The following ZSCAN26 variants were observed in gnomAD, a reference collection of about 807,000 sequenced individuals.
ZSCAN26 encodes the protein zinc finger and SCAN domain containing 26.
A neutral mutation model predicts 23.0 loss-of-function variants in ZSCAN26; 26 were observed. That is an observed-to-expected ratio of 1.13 (90% CI 0.83 to 1.57). ZSCAN26 has a LOEUF of 1.57. Among genes scored for constraint, ZSCAN26 ranks in the 40% most tolerant of loss-of-function variants. The pLI, the probability that ZSCAN26 is intolerant of heterozygous loss-of-function variation, is 0.00. For synonymous variants in ZSCAN26, 180 were observed against 202.5 expected, an observed-to-expected ratio of 0.89 and a Z score of 0.94; for missense variants, 528 against 568.5, an observed-to-expected ratio of 0.93 and a Z score of 0.72.
At chr6:28,275,222 C>T (rs1021982026) in intron 3 of ZSCAN26, among the ~76,000 whole-genome samples, 3 of 152,194 alleles carry the variant, frequency 2.0e-5, no homozygotes, top group African/African-American at 7.2e-5. Context: ...TCCTTTTACT[C>T]TCTCATTCTG....
rs1396752436 is a variant in ZSCAN26 at position 28,272,208 on chromosome 6, G to C, written c.289G>C (p.Glu97Gln). The change falls in exon 2 of 4, where the codon GAG becomes CAG. Residue 97 changes from glutamate (E) to glutamine (Q), a missense_variant. By Grantham distance (29) the Glu-to-Gln change is conservative. Coordinates refer to ENST00000421553, the MANE Select transcript of ZSCAN26 (RefSeq NM_001023560.4). ...GCAGATCCTGGAGCTGCTGGTGCTG[G>C]AGCAGTTTCTGATCATCCTGCCTAA... ...KEQILELLVLEQFLIILPKEL... is the reference protein window; with the variant it reads ...KEQILELLVLQQFLIILPKEL... 4 of 1,614,106 alleles carry C rather than the reference G, an allele frequency of 2.5e-6. No individual in the cohort carries two copies. Among genetic ancestry groups the C allele is most frequent in the Non-Finnish European group, 2.5e-6 (3 of 1,180,006 alleles).
intron 3 of ZSCAN26, among the ~76,000 whole-genome samples, chr6:28,275,477 A>G (rs1761893655): frequency 6.6e-6 from 1 of 152,226 alleles, no homozygotes; most frequent in Admixed American, 6.5e-5. Context: ...TAGAGAAAAC[A>G]AAGTCTGCTC....
chr6:28,269,731 A>C (rs1761605003), intron 1 of ZSCAN26, among the ~76,000 whole-genome samples: 1 of 152,212 alleles, frequency 6.6e-6, no homozygotes, highest in Non-Finnish European at 1.5e-5. Context: ...TGTTCTAGTC[A>C]GACTTTTAAC....
chr6:28,276,059 T>G (rs1364467380), intron 3 of ZSCAN26, 136 bp from the exon 4 acceptor site: 2 of 729,952 alleles, frequency 2.7e-6, no homozygotes, highest in East Asian at 5.4e-5. Flanking sequence ...GTAACTATTT[T>G]ACGCAATCAC....
chr6:28,271,772 A>C, intron 1 of ZSCAN26, 82 bp from the exon 2 acceptor site: 2 of 715,814 alleles, frequency 2.8e-6, no homozygotes, highest in Non-Finnish European at 4.5e-6. Flanking sequence ...GATAATAGGA[A>C]ATGTATAAAC....
chr6:28,269,463 G>A lies in ZSCAN26; in HGVS notation c.-67+2250G>A, dbSNP rs1034876022. On this transcript the variant is annotated intron_variant, in intron 1 of 3. Coordinates refer to ENST00000421553, the MANE Select transcript of ZSCAN26 (RefSeq NM_001023560.4). ...GGGAATTAGCATAGGTCATTATGGAGGCTGGCAAGTCTCAGTATCTTCAGA... is the reference window on the plus strand; with the variant it reads ...GGGAATTAGCATAGGTCATTATGGAAGCTGGCAAGTCTCAGTATCTTCAGA... 2.0e-5 allele frequency among the ~76,000 whole-genome samples: 3 copies of A among 152,150 alleles called. No homozygotes were observed. In the South Asian group the frequency reaches 6.2e-4, roughly 32 times the overall value.
Position 28,275,189 on chromosome 6 carries a change from C to A in ZSCAN26, c.539-1006C>A, listed in dbSNP as rs958647519. Among the ~76,000 whole-genome samples the A allele has an allele frequency of 1.5e-4, 23 of 152,254 alleles. 1 individual carries two copies. In the South Asian group the frequency reaches 4.3e-3, roughly 29 times the overall value. On this transcript the variant is annotated intron_variant, in intron 3 of 3. Transcript: ENST00000421553. Reference sequence around the variant, plus strand: ...GTTATTAGTGCTGCTTAGAGTCTTTCTTCTATTTTCTCCATCCAGCTTTCC... The same window carrying A: ...GTTATTAGTGCTGCTTAGAGTCTTTATTCTATTTTCTCCATCCAGCTTTCC...
At chr6:28,275,496 C>T (rs1761894729) in intron 3 of ZSCAN26, among the ~76,000 whole-genome samples, 1 of 152,130 alleles carries the variant, frequency 6.6e-6, no homozygotes, top group Non-Finnish European at 1.5e-5. Flanking sequence ...TCTGCATGTG[C>T]TTACAGTCTC....
At chr6:28,274,858 G>A (rs1195836922) in intron 3 of ZSCAN26, among the ~76,000 whole-genome samples, 1 of 152,066 alleles carries the variant, frequency 6.6e-6, no homozygotes, top group Non-Finnish European at 1.5e-5. Context: ...ATCCTCTCTT[G>A]CTTTTTTAAA....
intron 3 of ZSCAN26, among the ~76,000 whole-genome samples, chr6:28,274,387 ATAGCCTTGCAGAAATGAAT>A (rs1347273661): frequency 1.3e-5 from 2 of 152,222 alleles, no homozygotes; most frequent in African/African-American, 2.4e-5. Flanking sequence ...CCTTTTCTCA[ATAGCCTTGCAGAAATGAAT>A]TAGCCTTGCA....
At chr6:28,267,659 G>A (rs1447867258) in intron 1 of ZSCAN26, among the ~76,000 whole-genome samples, 7 of 152,192 alleles carry the variant, frequency 4.6e-5, no homozygotes, top group Non-Finnish European at 4.4e-5. Context: ...CCTTTGTAGG[G>A]AATGATGTCA....
At chr6:28,271,191 A>G (rs2179174) in intron 1 of ZSCAN26, among the ~76,000 whole-genome samples, 45,764 of 151,656 alleles carry the variant, frequency 0.3, 8,314 homozygotes, top group African/African-American at 0.49. Flanking sequence ...TTCCAGTTCC[A>G]TCTCACTTCT....
chr6:28,277,152 A>C lies in ZSCAN26; in HGVS notation c.*56A>C. On this transcript the variant is annotated 3_prime_UTR_variant, in exon 4 of 4. Transcript: ENST00000421553. ...GAAGGCACATTGACTAGCAAACAGC[A>C]CTTTAGGAAAAGTCACCGTAGCCCA... 1.3e-6 allele frequency: 2 copies of C among 1,540,512 alleles called. No individual in the cohort carries two copies. Among genetic ancestry groups the C allele is most frequent in the Non-Finnish European group, 1.7e-6 (2 of 1,147,634 alleles).
Position 28,276,421 on chromosome 6 carries a change from G to A in ZSCAN26, c.765G>A (p.Thr255=), listed in dbSNP as rs757391523. 3.0e-5 allele frequency: 48 copies of A among 1,613,842 alleles called. No homozygotes were observed. The highest frequency in any genetic ancestry group is 4.5e-5 in the East Asian group (2 of 44,890). Residue 255 remains threonine (T), a synonymous_variant, in exon 4 of 4, where the codon ACG becomes ACA. Transcript: ENST00000421553. ...TGATTGAACATGCGAGTACACACACGGGAAAGAAACTCTGCGAGTCTGATG... is the reference window on the plus strand; with the variant it reads ...TGATTGAACATGCGAGTACACACACAGGAAAGAAACTCTGCGAGTCTGATG... ...LDLIEHASTH[T]GKKLCESDVC... is the part of the protein sequence containing the mutation.
Position 28,272,685 on chromosome 6 carries a change from A to G in ZSCAN26, c.436A>G (p.Lys146Glu), listed in dbSNP as rs1561875056. The change falls in exon 3 of 4, where the codon AAG (lysine) becomes GAG (glutamate). Residue 146 changes from lysine to glutamate, a missense_variant. Lys to Glu is a moderately conservative substitution (Grantham distance 56). Coordinates refer to ENST00000421553, the MANE Select transcript of ZSCAN26 (RefSeq NM_001023560.4). ...TGQQVDPDQP[K>E]KQKILVEEMA... ...TTGTCCCTAGGACCCAGACCAGCCA[A>G]AGAAACAAAAAATACTTGTGGAGGA... The G allele has an allele frequency of 3.7e-6, 6 of 1,607,338 alleles. No individual in the cohort carries two copies. Among genetic ancestry groups the G allele is most frequent in the Non-Finnish European group, 5.1e-6 (6 of 1,176,888 alleles).
At chr6:28,274,662 C>T (rs920725537) in intron 3 of ZSCAN26, among the ~76,000 whole-genome samples, 2 of 152,150 alleles carry the variant, frequency 1.3e-5, no homozygotes, top group Non-Finnish European at 2.9e-5. Context: ...ATTGCTTGAG[C>T]CCAGGAGTTC....
In ZSCAN26 at chr6:28,272,141, GCT is replaced by G. The variant is rs1407636586; in HGVS notation, c.225_226del (p.Cys76SerfsTer29). 1 of 1,612,340 alleles carries G rather than the reference GCT, an allele frequency of 6.2e-7. No individual in the cohort carries two copies. Among genetic ancestry groups the G allele is most frequent in the East Asian group, 2.2e-5 (1 of 44,850 alleles). On this transcript the variant is annotated frameshift_variant, in exon 2 of 4. Transcript: ENST00000421553. LOFTEE classifies it high-confidence loss of function. ...GAGAAGCACTAAGTCGGCTCCGGGA[GCT>G]CTGTCAACAGTGGCTACAGCCCGAG... ...PREALSRLRE[L>X]CQQWLQPETH... is the part of the protein sequence containing the mutation.
chr6:28,275,350 T>G (rs1050659483), intron 3 of ZSCAN26, among the ~76,000 whole-genome samples: 1 of 152,240 alleles, frequency 6.6e-6, no homozygotes, highest in Non-Finnish European at 1.5e-5. Flanking sequence ...TTCTCACCCG[T>G]CTGCTTGTGT....
chr6:28,273,435 G>A (rs1002301685), intron 3 of ZSCAN26, among the ~76,000 whole-genome samples: 4 of 151,986 alleles, frequency 2.6e-5, no homozygotes, highest in African/African-American at 9.7e-5. Context: ...CCAGCTACTC[G>A]GGAGGCTGAG....
Sources: allele counts gnomAD v4.1 joint callset (sites outside exome capture counted in the v4.1 genomes callset), GRCh38; gene constraint gnomAD v4.1.1; transcripts MANE v1.5; gene names NCBI Gene and HGNC (gene_info 2026-07-23, HGNC 2026-07-21).